FAF1: variants seen among roughly 807,000 people sequenced by gnomAD.
FAF1 encodes Fas associated factor 1, also known as FAS-associated factor 1.
A neutral mutation model predicts 92.5 loss-of-function variants in FAF1; 25 were observed. The observed-to-expected ratio is 0.27, with a 90% CI of 0.20 to 0.38. FAF1 has a LOEUF of 0.38. Ranked by LOEUF, FAF1 falls within the 10% of genes least tolerant of loss-of-function variation. The pLI is 1.00. For synonymous variants in FAF1, 234 were observed against 273.2 expected, an observed-to-expected ratio of 0.86 and a Z score of 1.42; for missense variants, 636 against 793.3, an observed-to-expected ratio of 0.80 and a Z score of 2.38.
intron 15 of FAF1, among the ~76,000 whole-genome samples, chr1:50,498,459 C>T (rs1191349082): frequency 6.6e-6 from 1 of 152,142 alleles, no homozygotes; most frequent in Non-Finnish European, 1.5e-5. Flanking sequence ...AGATAATCCA[C>T]AGAATGGAAG....
intron 2 of FAF1, among the ~76,000 whole-genome samples, chr1:50,833,779 G>T (rs1382503495): frequency 6.6e-6 from 1 of 151,944 alleles, no homozygotes; most frequent in African/African-American, 2.4e-5. Flanking sequence ...AGACCTCTGT[G>T]CCAAAACTCA....
chr1:50,778,942 C>T (rs1190085913), intron 4 of FAF1, among the ~76,000 whole-genome samples: 1 of 152,054 alleles, frequency 6.6e-6, no homozygotes, highest in African/African-American at 2.4e-5. Flanking sequence ...AGTATTTTAC[C>T]CACACTAGAA....
At chr1:50,843,354 G>A (rs1644271654) in intron 2 of FAF1, among the ~76,000 whole-genome samples, 1 of 152,032 alleles carries the variant, frequency 6.6e-6, no homozygotes, top group Non-Finnish European at 1.5e-5. Flanking sequence ...CTGGGTAATT[G>A]GGATAACCAT....
At chr1:50,904,879 C>T (rs2124713403) in intron 1 of FAF1, among the ~76,000 whole-genome samples, 1 of 151,222 alleles carries the variant, frequency 6.6e-6, no homozygotes, top group Non-Finnish European at 1.5e-5. Flanking sequence ...CTATTTTTTT[C>T]CTTTTTTTTT....
intron 1 of FAF1, among the ~76,000 whole-genome samples, chr1:50,948,008 G>C (rs747879773): frequency 2.7e-4 from 41 of 152,048 alleles, no homozygotes; most frequent in Non-Finnish European, 5.0e-4. Context: ...GACAGTACGA[G>C]AAAGAAACAT....
chr1:50,441,353 G>C lies in FAF1; in HGVS notation c.*87C>G. 1 of 686,504 alleles carries C rather than the reference G, an allele frequency of 1.5e-6. No individual in the cohort carries two copies. The highest frequency in any genetic ancestry group is 2.4e-6 in the Non-Finnish European group (1 of 414,248). The allele number at this position is 686,504 out of a possible 1,614,324, so 42.5% of individuals were successfully genotyped here. Reference sequence around the variant, plus strand: ...TGTGACATTGAATTGAGTGAGACGAGCGTGTGGGTGGGTTGGCGAGGAGCC... The same window carrying C: ...TGTGACATTGAATTGAGTGAGACGACCGTGTGGGTGGGTTGGCGAGGAGCC... On this transcript the variant is annotated 3_prime_UTR_variant, in exon 19 of 19. Transcript: ENST00000396153.
At position 50,582,646 on chromosome 1, in the gene FAF1, T is replaced by C; in HGVS notation, c.1085A>G (p.Gln362Arg). 6.2e-7 allele frequency: 1 copy of C among 1,613,132 alleles called. No individual in the cohort carries two copies. The highest frequency in any genetic ancestry group is 8.5e-7 in the Non-Finnish European group (1 of 1,179,218). The change falls in exon 12 of 19, where the codon CAA becomes CGA. Residue 362 changes from glutamine (Q) to arginine (R), a missense_variant. This residue lies in a region of FAF1 where 319 missense variants were observed against 451.0 expected (regional missense o/e 0.71). Transcript: ENST00000396153. Reference sequence around the variant, plus strand: ...TCGGGCTTTCACATAGAAGGCCTCTTGAAAAGCAGCTTCTAATGAGCCAAT... The same window carrying C: ...TCGGGCTTTCACATAGAAGGCCTCTCGAAAAGCAGCTTCTAATGAGCCAAT... ...FFIGSLEAAF[Q>R]EAFYVKARDR...
chr1:50,890,720 T>C (rs1170046286), intron 1 of FAF1, among the ~76,000 whole-genome samples: 1 of 152,190 alleles, frequency 6.6e-6, no homozygotes, highest in East Asian at 1.9e-4. Flanking sequence ...AGAGTTTCTG[T>C]CGAGAGATCC....
intron 7 of FAF1, among the ~76,000 whole-genome samples, chr1:50,701,633 C>T (rs189695525): frequency 6.6e-6 from 1 of 152,068 alleles, no homozygotes; most frequent in African/African-American, 2.4e-5. Context: ...CAAAATCCGA[C>T]GTTAGGTTCA....
At chr1:50,939,554 T>C (rs1645113291) in intron 1 of FAF1, among the ~76,000 whole-genome samples, 1 of 152,230 alleles carries the variant, frequency 6.6e-6, no homozygotes, top group Non-Finnish European at 1.5e-5. Flanking sequence ...CTATGACCAG[T>C]ACTATGATGA....
chr1:50,713,462 C>T (rs1436523834), intron 6 of FAF1, among the ~76,000 whole-genome samples: 2 of 151,932 alleles, frequency 1.3e-5, no homozygotes, highest in East Asian at 3.9e-4. Context: ...TTAGTAGAGA[C>T]GGTGTTTCAC....
chr1:50,682,302 C>A (rs534436651), intron 7 of FAF1, among the ~76,000 whole-genome samples: 1 of 151,910 alleles, frequency 6.6e-6, no homozygotes, highest in South Asian at 2.1e-4. Context: ...GAGTTCCAGA[C>A]AAGCCTGAGC....
In FAF1 at chr1:50,826,896, G is replaced by A. The variant is rs553065625; in HGVS notation, c.115-25219C>T. 6.5e-3 allele frequency among the ~76,000 whole-genome samples: 983 copies of A among 152,044 alleles called. 19 individuals carry two copies. Among genetic ancestry groups the A allele is most frequent in the African/African-American group, 0.023 (937 of 41,466 alleles). On this transcript the variant is annotated intron_variant, in intron 2 of 18. Coordinates refer to ENST00000396153, the MANE Select transcript of FAF1 (RefSeq NM_007051.3). Reference sequence around the variant, plus strand: ...AGACACCGTCTGGGAAGTGAGGAGCGCCTCTGCCCAGCCGCCCCGTCTGGG... The same window carrying A: ...AGACACCGTCTGGGAAGTGAGGAGCACCTCTGCCCAGCCGCCCCGTCTGGG...
intron 8 of FAF1, among the ~76,000 whole-genome samples, chr1:50,608,561 G>C (rs1652533123): frequency 6.6e-6 from 1 of 152,182 alleles, no homozygotes; most frequent in African/African-American, 2.4e-5. Flanking sequence ...GCTTCAATGA[G>C]TACAACGGAT....
At chr1:50,943,250 T>C (rs1645148074) in intron 1 of FAF1, among the ~76,000 whole-genome samples, 1 of 152,086 alleles carries the variant, frequency 6.6e-6, no homozygotes, top group Non-Finnish European at 1.5e-5. Flanking sequence ...TCAACAAGAC[T>C]CCAAGCAGCA....
chr1:50,516,808 A>G (rs1482534176), intron 15 of FAF1, among the ~76,000 whole-genome samples: 3 of 152,234 alleles, frequency 2.0e-5, no homozygotes, highest in Admixed American at 1.3e-4. Flanking sequence ...GCTGCATAGA[A>G]GGTTTCACTC....
At chr1:50,535,604 G>T in intron 14 of FAF1, 147 bp from the exon 15 acceptor site, 2 of 530,054 alleles carry the variant, frequency 3.8e-6, no homozygotes, top group Non-Finnish European at 6.6e-6. Flanking sequence ...ATACTTTTGT[G>T]GTTTTATTGA....
intron 1 of FAF1, 86 bp downstream of exon 1, chr1:50,959,681 G>A (rs1484627756): frequency 2.4e-6 from 3 of 1,228,964 alleles, no homozygotes; most frequent in Non-Finnish European, 3.5e-6. Context: ...CCACTGCAGC[G>A]TTCAAACGCT....
intron 12 of FAF1, among the ~76,000 whole-genome samples, chr1:50,576,638 C>A (rs376229716): frequency 0.043 from 6,427 of 150,328 alleles, 453 homozygotes; most frequent in African/African-American, 0.15. Flanking sequence ...GCACCGCCCC[C>A]CCCCCGCCAC....
Sources: allele counts gnomAD v4.1 joint callset (sites outside exome capture counted in the v4.1 genomes callset), GRCh38; gene constraint gnomAD v4.1.1; regional missense constraint gnomAD v4.1.1; transcripts MANE v1.5; gene names NCBI Gene and HGNC (gene_info 2026-07-23, HGNC 2026-07-21).